Variants in NRXN3 observed in about 807,000 individuals in gnomAD.
NRXN3 encodes neurexin III.
Under a neutral mutation model 137.6 loss-of-function variants are expected in NRXN3, and 32 were observed. The observed-to-expected ratio is 0.23, with a 90% confidence interval of 0.18 to 0.31. The LOEUF is 0.31. Among genes scored for constraint, NRXN3 ranks in the 10% least tolerant of loss-of-function variants. The probability of loss-of-function intolerance (pLI) is 1.00; values close to 1 mark genes in which losing one functional copy is unlikely to be tolerated. For missense variants in NRXN3, 1,574 were observed against 2,062.5 expected (o/e 0.76, Z 4.59); for synonymous variants, 798 against 784.5 (o/e 1.02, Z -0.29).
chr14:79,514,815 C>T (rs1236659202), intron 16 of NRXN3, among the ~76,000 whole-genome samples: 1 of 152,086 alleles, frequency 6.6e-6, no homozygotes, highest in Non-Finnish European at 1.5e-5. Flanking sequence ...ACTGAGGTCA[C>T]TGTGTGGTAT....
intron 15 of NRXN3, among the ~76,000 whole-genome samples, chr14:79,340,358 A>C (rs897545400): frequency 6.6e-6 from 1 of 152,222 alleles, no homozygotes; most frequent in East Asian, 1.9e-4. Flanking sequence ...AGTCAGCCCT[A>C]ACCTCACTGA....
At position 79,183,705 on chromosome 14, in the gene NRXN3, G is replaced by T. The variant is rs575222710; in HGVS notation, c.3262+195564G>T. Among the ~76,000 whole-genome samples the T allele has an allele frequency of 4.6e-5, 7 of 152,164 alleles. 1 individual carries two copies. The South Asian group carries it at 1.5e-3, about 32-fold the overall frequency. On this transcript the variant is annotated intron_variant, in intron 15 of 20. Coordinates refer to ENST00000335750, the MANE Select transcript of NRXN3 (RefSeq NM_001330195.2). ...TCACATAATGGCTATGTCTCTTACC[G>T]CCAAAGCCCGGCTCACTGCTTACAA...
intron 15 of NRXN3, among the ~76,000 whole-genome samples, chr14:79,363,438 C>T (rs1483378219): frequency 6.6e-6 from 1 of 152,132 alleles, no homozygotes; most frequent in Non-Finnish European, 1.5e-5. Context: ...TCTTCCAGCT[C>T]ATAGCTGTAA....
At chr14:79,857,315 A>G (rs561035254) in intron 20 of NRXN3, among the ~76,000 whole-genome samples, 5 of 152,034 alleles carry the variant, frequency 3.3e-5, no homozygotes, top group Non-Finnish European at 4.4e-5. Context: ...TCTGCCTCCC[A>G]GGTTCACGCC....
intron 4 of NRXN3, among the ~76,000 whole-genome samples, chr14:78,457,906 G>A (rs572239517): frequency 6.6e-6 from 1 of 152,274 alleles, no homozygotes; most frequent in South Asian, 2.1e-4. Context: ...GGGTGATGTG[G>A]TAAGGGCCAG....
intron 16 of NRXN3, among the ~76,000 whole-genome samples, chr14:79,536,560 C>T (rs2153726880): frequency 6.6e-6 from 1 of 151,970 alleles, no homozygotes; most frequent in South Asian, 2.1e-4. Flanking sequence ...CAACCCATCA[C>T]CTAAGTATTA....
intron 2 of NRXN3, among the ~76,000 whole-genome samples, chr14:78,275,975 A>G (rs2073530143): frequency 6.6e-6 from 1 of 152,128 alleles, no homozygotes; most frequent in South Asian, 2.1e-4. Flanking sequence ...GAGTCCAGAG[A>G]TTCAGGTCAC....
At chr14:78,822,559 C>T (rs1027871901) in intron 10 of NRXN3, among the ~76,000 whole-genome samples, 1 of 151,914 alleles carries the variant, frequency 6.6e-6, no homozygotes, top group Admixed American at 6.6e-5. Flanking sequence ...CCTGCAATCC[C>T]AGCTACTTGG....
rs74474843 is a variant in NRXN3 at position 79,400,522 on chromosome 14, C to T, written c.3263-66699C>T. On this transcript the variant is annotated intron_variant, in intron 15 of 20. Transcript: ENST00000335750. ...ACTTACATGAGACTTATAAGCTAGG[C>T]GCTGGGATGCTAAACAAATTAGTTC... 7.9e-3 allele frequency among the ~76,000 whole-genome samples: 1,200 copies of T among 152,198 alleles called. 11 individuals are homozygous for T. The highest frequency in any genetic ancestry group is 0.012 in the Non-Finnish European group (811 of 68,026).
At chr14:79,641,062 C>T (rs221469) in intron 16 of NRXN3, among the ~76,000 whole-genome samples, 60,210 of 132,122 alleles carry the variant, frequency 0.46, 21,527 homozygotes, top group African/African-American at 0.75. Context: ...GGCTGGAGTG[C>T]AGTGGTACAA....
chr14:79,292,586 T>C (rs1451034874), intron 15 of NRXN3, among the ~76,000 whole-genome samples: 1 of 152,252 alleles, frequency 6.6e-6, no homozygotes, highest in Non-Finnish European at 1.5e-5. Context: ...ATTTCTAAAA[T>C]ACTTCCTCAC....
chr14:79,350,385 G>A (rs2093145859), intron 15 of NRXN3, among the ~76,000 whole-genome samples: 1 of 152,196 alleles, frequency 6.6e-6, no homozygotes, highest in Non-Finnish European at 1.5e-5. Flanking sequence ...GAGTCATGTA[G>A]TGTCTACTCT....
chr14:79,499,613 G>T (rs1055610236), intron 16 of NRXN3, among the ~76,000 whole-genome samples: 28 of 152,156 alleles, frequency 1.8e-4, no homozygotes, highest in African/African-American at 6.3e-4. Flanking sequence ...ATCCAAAACA[G>T]TGCCTGGCTC....
chr14:78,658,507 C>T (rs1255732090), intron 6 of NRXN3, among the ~76,000 whole-genome samples: 2 of 152,122 alleles, frequency 1.3e-5, no homozygotes. Context: ...TGCTCTTCAC[C>T]ATTTCTGCAA....
chr14:78,604,812 G>C (rs1471197334), intron 4 of NRXN3, among the ~76,000 whole-genome samples: 1 of 152,128 alleles, frequency 6.6e-6, no homozygotes, highest in Admixed American at 6.5e-5. Context: ...AAATTCATAA[G>C]AGCCCCCTTA....
intron 15 of NRXN3, among the ~76,000 whole-genome samples, chr14:79,003,346 A>G (rs930073312): frequency 5.3e-5 from 8 of 152,218 alleles, no homozygotes; most frequent in African/African-American, 1.9e-4. Context: ...TTCAATACAC[A>G]ATCTTAACTT....
intron 10 of NRXN3, among the ~76,000 whole-genome samples, chr14:78,881,546 C>T (rs1473500632): frequency 6.6e-6 from 1 of 151,166 alleles, no homozygotes; most frequent in Non-Finnish European, 1.5e-5. Context: ...GCATTTTGCC[C>T]CTGCTCTAGA....
chr14:78,470,986 A>G (rs1446897243), intron 4 of NRXN3, among the ~76,000 whole-genome samples: 18 of 152,098 alleles, frequency 1.2e-4, no homozygotes, highest in Admixed American at 1.2e-3. Flanking sequence ...TTTTCTGCCA[A>G]TCCTAATCTA....
At chr14:79,787,762 T>A (rs12897744) in intron 19 of NRXN3, among the ~76,000 whole-genome samples, 2 of 152,162 alleles carry the variant, frequency 1.3e-5, no homozygotes, top group Admixed American at 1.3e-4. Flanking sequence ...TATTCCATTG[T>A]GTGTGTGTAT....
Sources: allele counts gnomAD v4.1 joint callset (sites outside exome capture counted in the v4.1 genomes callset), GRCh38; gene constraint gnomAD v4.1.1; transcripts MANE v1.5; gene names NCBI Gene and HGNC (gene_info 2026-07-23, HGNC 2026-07-21).